Variants in NEB observed in about 807,000 individuals in gnomAD.
NEB encodes the protein nemaline myopathy type 2.
In NEB, 512 loss-of-function variants were observed where a neutral mutation model predicts 952.2. That is an observed-to-expected ratio of 0.54 (90% CI 0.50 to 0.58). The LOEUF (loss-of-function observed/expected upper bound fraction) is 0.58. Ranked by LOEUF, NEB falls within the 20% of genes least tolerant of loss-of-function variation. The pLI, the probability that NEB is intolerant of heterozygous loss-of-function variation, is 0.00. For synonymous variants in NEB, 2,900 were observed against 3,149.8 expected (o/e 0.92, Z 2.66); for missense variants, 8,428 against 9,231.1 (o/e 0.91, Z 3.56).
intron 60 of NEB, among the ~76,000 whole-genome samples, chr2:151,641,343 T>C (rs2098844707): frequency 6.6e-6 from 1 of 152,206 alleles, no homozygotes; most frequent in Non-Finnish European, 1.5e-5. Flanking sequence ...TGTTTTGTTT[T>C]GTATTTTAGA....
rs931682664 is a variant in NEB, at chr2:151,696,379, G to A, written c.1569+258C>T. On this transcript the variant is annotated intron_variant, in intron 17 of 181. Coordinates refer to ENST00000397345, the MANE Select transcript of NEB (RefSeq NM_001164508.2). ...AATGACAGAGCTAACATTTGAATGC[G>A]GTTTTGTTTGACTCTAGAACTCATG... 5.9e-5 allele frequency among the ~76,000 whole-genome samples: 9 copies of A among 152,058 alleles called. No individual in the cohort carries two copies. The South Asian group carries it at 1.0e-3, about 18-fold the overall frequency.
intron 181 of NEB, among the ~76,000 whole-genome samples, chr2:151,487,046 TGTG>T (rs142325512): frequency 0.032 from 4,804 of 151,358 alleles, 127 homozygotes; most frequent in East Asian, 0.14. Context: ...TGCATGAAAT[TGTG>T]TGTGTGTGCG....
chr2:151,709,912 C>A (rs2099739268), intron 11 of NEB, 149 bp from the exon 12 acceptor site: 1 of 623,598 alleles, frequency 1.6e-6, no homozygotes, highest in African/African-American at 1.9e-5. Flanking sequence ...AATGTGGTAC[C>A]ATTACAAAAA....
intron 54 of NEB, 34 bp downstream of exon 54, chr2:151,650,142 A>C (rs1558813829): frequency 1.9e-6 from 3 of 1,592,142 alleles, no homozygotes; most frequent in Non-Finnish European, 2.6e-6. Flanking sequence ...GGTAGCAGGC[A>C]CTATAATCTA....
chr2:151,617,473 A>AG lies in NEB; in HGVS notation c.11077-6_11077-5insC. 2.9e-6 allele frequency: 1 copy of AG among 339,052 alleles called. No homozygotes were observed. Among genetic ancestry groups the AG allele is most frequent in the Non-Finnish European group, 4.6e-6 (1 of 219,678 alleles). 21.0% of individuals were successfully genotyped at this position (339,052 alleles called of 1,614,324 possible). The stretch of plus-strand genomic sequence containing the variant: ...CCAGGCTTCAGTATATAAGCGCTAC[A>AG]AAAAAAAAAAAAAAAGAGAGAGAGA... On this transcript the variant is annotated splice_region_variant and splice_polypyrimidine_tract_variant and intron_variant, in intron 74 of 181. Coordinates refer to ENST00000397345, the MANE Select transcript of NEB (RefSeq NM_001164508.2).
chr2:151,606,519 T>C, intron 84 of NEB, 87 bp downstream of exon 84: 1 of 604,206 alleles, frequency 1.7e-6, no homozygotes, highest in Non-Finnish European at 2.7e-6. Flanking sequence ...ATGCACAGAT[T>C]TTTTAAAAAC....
intron 153 of NEB, among the ~76,000 whole-genome samples, chr2:151,522,941 A>T (rs528473489): frequency 2.3e-4 from 35 of 152,352 alleles, no homozygotes; most frequent in South Asian, 1.7e-3. Flanking sequence ...TCCGGAGACC[A>T]GCCTTTCACA....
chr2:151,671,259 T>C (rs773460461), intron 37 of NEB, 30 bp from the exon 38 acceptor site: 15 of 1,549,650 alleles, frequency 9.7e-6, no homozygotes, highest in Non-Finnish European at 1.2e-5. Flanking sequence ...TATGAGAAGA[T>C]ACCCTGGAGA....
At chr2:151,564,015 A>G in intron 117 of NEB, 85 bp from the exon 118 acceptor site, 1 of 980,240 alleles carries the variant, frequency 1.0e-6, no homozygotes, top group Non-Finnish European at 1.5e-6. Flanking sequence ...ATTAAGGTGA[A>G]ACATGTATGT....
intron 71 of NEB, 82 bp downstream of exon 71, chr2:151,625,452 G>A: frequency 9.2e-7 from 1 of 1,090,314 alleles, no homozygotes; most frequent in Admixed American, 2.2e-5. Context: ...GCTTACATGA[G>A]GATTAATTTC....
intron 142 of NEB, chr2:151,534,411 T>G: frequency 9.4e-7 from 1 of 1,061,522 alleles, no homozygotes; most frequent in Non-Finnish European, 1.4e-6. Context: ...GGCCAGAACA[T>G]GTCATCTCTA....
At chr2:151,499,775 T>TAACA (rs1402126269) in intron 168 of NEB, among the ~76,000 whole-genome samples, 1 of 152,242 alleles carries the variant, frequency 6.6e-6, no homozygotes, top group Non-Finnish European at 1.5e-5. Context: ...AACAAATATT[T>TAACA]AACAGGCCAA....
Position 151,612,382 on chromosome 2 carries a change from T to C in NEB, c.11609A>G (p.Tyr3870Cys). The change falls in exon 78 of 182, where the codon TAC becomes TGC. Residue 3870 changes from tyrosine to cysteine, a missense_variant. Tyr to Cys is a radical substitution (Grantham distance 194). Transcript: ENST00000397345. ...KAYDLQSDAI[Y>C]KSDLEWLRGI... ...TCTCAGCCACTCAAGATCAGATTTG[T>C]AAATAGCCTGAAAATGAAATAATGT... The C allele has an allele frequency of 1.2e-6, 2 of 1,613,446 alleles. No homozygotes were observed. Among genetic ancestry groups the C allele is most frequent in the Non-Finnish European group, 1.7e-6 (2 of 1,179,508 alleles).
At chr2:151,548,740 C>G (rs905836000) in intron 130 of NEB, among the ~76,000 whole-genome samples, 2 of 152,086 alleles carry the variant, frequency 1.3e-5, no homozygotes, top group Non-Finnish European at 2.9e-5. Context: ...AAAGAAGAAA[C>G]AAGAGAATGT....
At chr2:151,631,422 A>G (rs759807056) in intron 65 of NEB, 76 bp from the exon 66 acceptor site, 4 of 1,430,706 alleles carry the variant, frequency 2.8e-6, no homozygotes, top group Non-Finnish European at 3.8e-6. Flanking sequence ...TAGAATCAGT[A>G]ATAAAGTGCA....
At position 151,722,005 on chromosome 2, in the gene NEB, T is replaced by G. The variant is rs559105961; in HGVS notation, c.717+1377A>C. Among the ~76,000 whole-genome samples, 29 of 152,216 alleles carry G rather than the reference T, an allele frequency of 1.9e-4. No homozygotes were observed. In the South Asian group the frequency reaches 6.0e-3, roughly 32 times the overall value. ...AAACTTGCAGGTGATATGAAGAGGG[T>G]GGCGTTAAAAATTAGACCTCAAAAG... is the stretch of plus-strand genomic sequence containing the variant. On this transcript the variant is annotated intron_variant, in intron 9 of 181. Coordinates refer to ENST00000397345, the MANE Select transcript of NEB (RefSeq NM_001164508.2).
At chr2:151,610,675 T>C (rs2097915956) in intron 79 of NEB, 52 bp from the exon 80 acceptor site, 2 of 1,574,440 alleles carry the variant, frequency 1.3e-6, no homozygotes, top group South Asian at 1.1e-5. Context: ...AGGAAGGTAA[T>C]AGGCCAATTC....
chr2:151,616,920 C>T (rs1354971790), intron 75 of NEB, among the ~76,000 whole-genome samples: 1 of 152,100 alleles, frequency 6.6e-6, no homozygotes, highest in Non-Finnish European at 1.5e-5. Context: ...AGGATCATTG[C>T]CCTTTTGAAA....
intron 10 of NEB, among the ~76,000 whole-genome samples, chr2:151,713,758 T>C (rs1349324077): frequency 1.3e-5 from 2 of 152,160 alleles, no homozygotes; most frequent in East Asian, 3.9e-4. Flanking sequence ...ACTGTTCATC[T>C]ATGTTAGAGC....
Sources: allele counts gnomAD v4.1 joint callset (sites outside exome capture counted in the v4.1 genomes callset), GRCh38; gene constraint gnomAD v4.1.1; transcripts MANE v1.5; gene names NCBI Gene and HGNC (gene_info 2026-07-23, HGNC 2026-07-21).